Variants in CNTNAP2 observed in about 807,000 individuals in gnomAD.
The protein encoded by CNTNAP2 is contactin associated protein 2, also known as contactin-associated protein-like 2.
In CNTNAP2, 98 loss-of-function variants were observed where a neutral mutation model predicts 155.2. The ratio of observed to expected loss-of-function variants is 0.63; its 90% confidence interval spans 0.54 to 0.75. The LOEUF is 0.75. CNTNAP2 is among the 30% of genes least tolerant of loss of function. The probability of loss-of-function intolerance (pLI) is 0.00; values close to 1 mark genes in which losing one functional copy is unlikely to be tolerated. For missense variants in CNTNAP2, 1,727 were observed against 1,688.1 expected (o/e 1.02, Z -0.40); for synonymous variants, 651 against 631.2 (o/e 1.03, Z -0.47).
intron 21 of CNTNAP2, among the ~76,000 whole-genome samples, chr7:148,368,696 A>G (rs529606252): frequency 6.6e-6 from 1 of 152,268 alleles, no homozygotes; most frequent in African/African-American, 2.4e-5. Context: ...TACCCGAGTG[A>G]GCAATTCCTG....
chr7:147,355,121 C>T (rs1796040355), intron 9 of CNTNAP2, among the ~76,000 whole-genome samples: 1 of 151,818 alleles, frequency 6.6e-6, no homozygotes, highest in Non-Finnish European at 1.5e-5. Context: ...CTTTAAGTGA[C>T]CAGATCATGG....
In CNTNAP2 at chr7:147,011,579, G is replaced by C. The variant is rs574036651; in HGVS notation, c.403-32328G>C. On this transcript the variant is annotated intron_variant, in intron 3 of 23. Transcript: ENST00000361727. ...GGGGCTCAGAAAACCATACTCAAAAGTGAAGGCCTCAGAAGCAGCCTCGGA... is the reference window on the plus strand; with the variant it reads ...GGGGCTCAGAAAACCATACTCAAAACTGAAGGCCTCAGAAGCAGCCTCGGA... 1.1e-4 allele frequency among the ~76,000 whole-genome samples: 17 copies of C among 152,160 alleles called. No individual in the cohort carries two copies. In the South Asian group the frequency reaches 3.1e-3, roughly 28 times the overall value.
intron 2 of CNTNAP2, among the ~76,000 whole-genome samples, chr7:146,817,666 A>G (rs1351841587): frequency 1.3e-5 from 2 of 152,080 alleles, no homozygotes; most frequent in Non-Finnish European, 2.9e-5. Context: ...CAAGAGCAAG[A>G]GGAAGGGCAG....
intron 18 of CNTNAP2, among the ~76,000 whole-genome samples, chr7:148,188,776 A>G (rs1417731840): frequency 6.6e-6 from 1 of 152,216 alleles, no homozygotes; most frequent in African/African-American, 2.4e-5. Context: ...CATTATGTAC[A>G]TAGTATTAGC....
chr7:147,996,515 T>C (rs1049998712), intron 15 of CNTNAP2, among the ~76,000 whole-genome samples: 16 of 152,228 alleles, frequency 1.1e-4, no homozygotes, highest in Non-Finnish European at 1.5e-4. Flanking sequence ...GAAAGTTATT[T>C]AATTTCACTA....
At chr7:146,349,037 T>G (rs1794872305) in intron 1 of CNTNAP2, among the ~76,000 whole-genome samples, 1 of 152,186 alleles carries the variant, frequency 6.6e-6, no homozygotes, top group African/African-American at 2.4e-5. Context: ...TGTGTGACTT[T>G]TCTGTTAGTT....
chr7:147,768,832 A>G (rs373613066), intron 13 of CNTNAP2, among the ~76,000 whole-genome samples: 33 of 151,686 alleles, frequency 2.2e-4, no homozygotes, highest in African/African-American at 7.5e-4. Context: ...ACTGAAAACA[A>G]TACTTTAGAA....
intron 3 of CNTNAP2, among the ~76,000 whole-genome samples, chr7:146,854,310 TCTTGA>T (rs1318040940): frequency 4.6e-5 from 7 of 152,240 alleles, no homozygotes; most frequent in African/African-American, 1.7e-4. Context: ...ATTCTTTGTT[TCTTGA>T]CTTAAGTGCT....
chr7:146,436,656 C>T (rs1025223507), intron 1 of CNTNAP2, among the ~76,000 whole-genome samples: 1 of 152,078 alleles, frequency 6.6e-6, no homozygotes, highest in Non-Finnish European at 1.5e-5. Context: ...TTATTTGTAT[C>T]CTGGAAACAG....
intron 3 of CNTNAP2, among the ~76,000 whole-genome samples, chr7:146,845,330 T>A (rs1405149566): frequency 1.3e-5 from 2 of 152,106 alleles, no homozygotes; most frequent in Non-Finnish European, 2.9e-5. Context: ...AGATATGGAG[T>A]CGAAAGGTCT....
intron 16 of CNTNAP2, among the ~76,000 whole-genome samples, chr7:148,144,969 G>A (rs1315213717): frequency 6.6e-6 from 1 of 152,146 alleles, no homozygotes; most frequent in Non-Finnish European, 1.5e-5. Flanking sequence ...AAAACACACT[G>A]GCTGTCTGAC....
intron 1 of CNTNAP2, among the ~76,000 whole-genome samples, chr7:146,424,716 G>A (rs1390411653): frequency 2.6e-5 from 4 of 151,990 alleles, no homozygotes; most frequent in Admixed American, 2.0e-4. Flanking sequence ...TTTGCAAGCC[G>A]TCCATTCTAA....
chr7:147,177,990 C>T (rs138181775), intron 8 of CNTNAP2, among the ~76,000 whole-genome samples: 13 of 152,016 alleles, frequency 8.6e-5, no homozygotes, highest in Non-Finnish European at 1.8e-4. Context: ...TGCAGAGAAT[C>T]CACTAATTTC....
chr7:147,711,403 G>A (rs995841155), intron 13 of CNTNAP2, among the ~76,000 whole-genome samples: 18 of 152,096 alleles, frequency 1.2e-4, no homozygotes, highest in African/African-American at 4.3e-4. Context: ...ATCTAAAATT[G>A]GACTCTGCTG....
chr7:147,035,885 T>C (rs1316049854), intron 3 of CNTNAP2, among the ~76,000 whole-genome samples: 2 of 152,138 alleles, frequency 1.3e-5, no homozygotes, highest in Non-Finnish European at 2.9e-5. Flanking sequence ...AAATGTTAGT[T>C]CATGCATCAT....
intron 1 of CNTNAP2, among the ~76,000 whole-genome samples, chr7:146,298,075 T>C (rs1410450199): frequency 6.6e-6 from 1 of 152,100 alleles, no homozygotes; most frequent in Non-Finnish European, 1.5e-5. Flanking sequence ...TTCTATGCTA[T>C]AAGGAAAGGA....
intron 3 of CNTNAP2, among the ~76,000 whole-genome samples, chr7:146,851,008 A>T (rs1349608944): frequency 1.3e-5 from 2 of 152,096 alleles, no homozygotes; most frequent in African/African-American, 4.8e-5. Context: ...TTTTTGAAAC[A>T]GAGTCTCGCT....
intron 8 of CNTNAP2, among the ~76,000 whole-genome samples, chr7:147,232,508 A>G (rs916990224): frequency 6.6e-6 from 1 of 151,906 alleles, no homozygotes; most frequent in Non-Finnish European, 1.5e-5. Flanking sequence ...ACAACAAAAG[A>G]GAGAGCCTAG....
chr7:147,302,291 T>C (rs1794958339), intron 9 of CNTNAP2, among the ~76,000 whole-genome samples: 1 of 152,206 alleles, frequency 6.6e-6, no homozygotes, highest in Non-Finnish European at 1.5e-5. Flanking sequence ...GCTCCCTGAA[T>C]GCCTAAGGCC....
Sources: gnomAD v4.1 joint callset for allele counts (sites outside exome capture counted in the v4.1 genomes callset) on GRCh38, gnomAD v4.1.1 for gene constraint, MANE v1.5 for transcripts, NCBI Gene and HGNC (gene_info 2026-07-23, HGNC 2026-07-21) for gene names.